The following AMOTL1 variants were observed in gnomAD, a reference collection of about 807,000 sequenced individuals.
AMOTL1 encodes angiomotin-like protein 1.
AMOTL1 carries 45 observed loss-of-function variants against 102.9 expected under a neutral mutation model. The observed-to-expected ratio is 0.44, with a 90% CI of 0.34 to 0.56. The LOEUF is 0.56. AMOTL1 is among the 20% of genes least tolerant of loss of function. The pLI is 0.01. For missense variants in AMOTL1, 1,114 were observed against 1,225.6 expected (o/e 0.91, Z 1.36); for synonymous variants, 481 against 484.7 (o/e 0.99, Z 0.10).
chr11:94,797,395 A>C lies in AMOTL1; in HGVS notation c.200-1995A>C, dbSNP rs1408808365. ...TTTATTTCATGGAGCTCATGTAGGT[A>C]TTCTTTTATTGGTTAAATATCTGAG... On this transcript the variant is annotated intron_variant, in intron 2 of 12. Coordinates refer to ENST00000433060, the MANE Select transcript of AMOTL1 (RefSeq NM_130847.3). Among the ~76,000 whole-genome samples the C allele has an allele frequency of 2.6e-5, 4 of 152,190 alleles. No individual in the cohort carries two copies. In the East Asian group the frequency reaches 7.7e-4, roughly 29 times the overall value.
intron 1 of AMOTL1, among the ~76,000 whole-genome samples, chr11:94,794,358 G>A (rs1486600026): frequency 6.6e-6 from 1 of 152,134 alleles, no homozygotes; most frequent in African/African-American, 2.4e-5. Flanking sequence ...AGTGACTGAA[G>A]GACTGAACAC....
At chr11:94,757,058 GGGATGGGGA>G (rs1950734959) in intron 3 of AMOTL1, among the ~76,000 whole-genome samples, 1 of 151,524 alleles carries the variant, frequency 6.6e-6, no homozygotes, top group African/African-American at 2.4e-5. Context: ...TTGGGGTGGG[GGGATGGGGA>G]GCTCAAATCA....
chr11:94,741,219 T>C (rs1950521359), intron 3 of AMOTL1, among the ~76,000 whole-genome samples: 1 of 151,648 alleles, frequency 6.6e-6, no homozygotes, highest in Non-Finnish European at 1.5e-5. Flanking sequence ...TGTGTGTGTG[T>C]GCGTGCGTGT....
chr11:94,866,632 C>T (rs1952889780), intron 11 of AMOTL1: 1 of 180,682 alleles, frequency 5.5e-6, no homozygotes, highest in South Asian at 1.2e-4. Flanking sequence ...GCCTGCTTTA[C>T]CCCATGGGGC....
chr11:94,772,169 G>A (rs1403444881), intron 1 of AMOTL1, among the ~76,000 whole-genome samples: 1 of 152,142 alleles, frequency 6.6e-6, no homozygotes, highest in Non-Finnish European at 1.5e-5. Context: ...CCAGGAAATT[G>A]ACATTGGTAC....
At chr11:94,720,541 A>G (rs1950159768) in intron 1 of AMOTL1, among the ~76,000 whole-genome samples, 1 of 152,134 alleles carries the variant, frequency 6.6e-6, no homozygotes, top group Non-Finnish European at 1.5e-5. Flanking sequence ...AGCTATTCCA[A>G]GCCACATACC....
chr11:94,834,591 C>CA (rs531101188), intron 6 of AMOTL1, among the ~76,000 whole-genome samples: 40 of 142,252 alleles, frequency 2.8e-4, no homozygotes, highest in African/African-American at 6.2e-4. Context: ...GACTCCGTCT[C>CA]AAAAAAAAAA....
chr11:94,771,284 A>G (rs1464807483), intron 1 of AMOTL1, among the ~76,000 whole-genome samples: 1 of 142,350 alleles, frequency 7.0e-6, no homozygotes, highest in Non-Finnish European at 1.5e-5. Context: ...GTGTGTGGCT[A>G]TCTGCATTTT....
At chr11:94,858,816 A>G (rs1952716458) in intron 8 of AMOTL1, among the ~76,000 whole-genome samples, 1 of 152,224 alleles carries the variant, frequency 6.6e-6, no homozygotes, top group Non-Finnish European at 1.5e-5. Context: ...TAAAGGAAAA[A>G]GATTCTGAAG....
chr11:94,713,177 C>CT (rs1268692238), intron 1 of AMOTL1, among the ~76,000 whole-genome samples: 1 of 151,826 alleles, frequency 6.6e-6, no homozygotes, highest in Admixed American at 6.6e-5. Context: ...ATTTGTATAA[C>CT]TTTATCTCTG....
chr11:94,834,135 A>T (rs1952126955), intron 6 of AMOTL1, among the ~76,000 whole-genome samples: 1 of 152,214 alleles, frequency 6.6e-6, no homozygotes, highest in Admixed American at 6.5e-5. Flanking sequence ...GTGTTCCATT[A>T]TCTGTATATT....
In AMOTL1 at chr11:94,875,261, A is replaced by G. The variant is rs1478738912; in HGVS notation, c.*4466A>G. On this transcript the variant is annotated 3_prime_UTR_variant, in exon 13 of 13. Coordinates refer to ENST00000433060, the MANE Select transcript of AMOTL1 (RefSeq NM_130847.3). ...TACCAGAAATTGGTCGGCTGGGGAA[A>G]TGCAAAAGTTAGCATTTCAGTAGTG... is the stretch of plus-strand genomic sequence containing the variant. The G allele has an allele frequency of 6.6e-6, 1 of 152,240 alleles. No individual in the cohort carries two copies. Among genetic ancestry groups the G allele is most frequent in the Non-Finnish European group, 1.5e-5 (1 of 68,040 alleles). 9.4% of individuals were successfully genotyped at this position (152,240 alleles called of 1,614,324 possible). A position where few individuals can be genotyped will look rare whatever the true frequency, so the allele number is the denominator to read the frequency against.
intron 3 of AMOTL1, among the ~76,000 whole-genome samples, chr11:94,755,707 G>T (rs911111944): frequency 6.6e-6 from 1 of 151,998 alleles, no homozygotes; most frequent in Non-Finnish European, 1.5e-5. Context: ...CCTAGAGGCC[G>T]CATGCAGACA....
chr11:94,746,060 A>G (rs7110172), intron 3 of AMOTL1, among the ~76,000 whole-genome samples: 21,966 of 148,308 alleles, frequency 0.15, 3,360 homozygotes, highest in African/African-American at 0.37. Context: ...CAGTCTGCAA[A>G]TGAATAACTA....
Position 94,795,056 on chromosome 11 carries a change from T to C in AMOTL1, c.95T>C (p.Leu32Pro), listed in dbSNP as rs2135560450. 2 of 1,613,860 alleles carry C rather than the reference T, an allele frequency of 1.2e-6. No homozygotes were observed. Among genetic ancestry groups the C allele is most frequent in the South Asian group, 1.1e-5 (1 of 91,062 alleles). The change falls in exon 2 of 13, where the codon CTA (leucine) becomes CCA (proline). Residue 32 changes from leucine (L) to proline (P), a missense_variant. Physicochemically the swap from Leu to Pro is moderately conservative, Grantham distance 98. Transcript: ENST00000433060. ...AGCCCCAGTAGTCCTGTCCAGGTTCTAGAAGACTCCACCTACTTTTCCCCA... is the reference window on the plus strand; with the variant it reads ...AGCCCCAGTAGTCCTGTCCAGGTTCCAGAAGACTCCACCTACTTTTCCCCA... ...CYSPSSPVQV[L>P]EDSTYFSPDF...
At chr11:94,815,122 A>G (rs1951743416) in intron 3 of AMOTL1, among the ~76,000 whole-genome samples, 2 of 152,234 alleles carry the variant, frequency 1.3e-5, no homozygotes. Context: ...CATGAAATGT[A>G]ATTAGAAATG....
intron 3 of AMOTL1, among the ~76,000 whole-genome samples, chr11:94,819,495 C>T (rs1173175347): frequency 1.3e-5 from 2 of 152,300 alleles, no homozygotes; most frequent in South Asian, 4.2e-4. Context: ...TTACCCTCCT[C>T]TCACACGTAA....
Position 94,829,975 on chromosome 11 carries a change from G to A in AMOTL1, c.1414-75G>A, listed in dbSNP as rs899730311. On this transcript the variant is annotated intron_variant, in intron 4 of 12. Coordinates refer to ENST00000433060, the MANE Select transcript of AMOTL1 (RefSeq NM_130847.3). ...AAGATACAGCCTTCACACTGGCAAT[G>A]TCTAAGAATCCATTTTACCAAGACA... 3.5e-6 allele frequency: 5 copies of A among 1,435,694 alleles called. No individual in the cohort carries two copies. In the African/African-American group the frequency reaches 4.3e-5, roughly 12 times the overall value. 88.9% of individuals were successfully genotyped at this position (1,435,694 alleles called of 1,614,324 possible). A position where few individuals can be genotyped will look rare whatever the true frequency, so the allele number is the denominator to read the frequency against.
chr11:94,719,451 T>C (rs543694156), intron 1 of AMOTL1, among the ~76,000 whole-genome samples: 1 of 152,062 alleles, frequency 6.6e-6, no homozygotes, highest in Non-Finnish European at 1.5e-5. Context: ...TCTATATACA[T>C]AGTATACAAT....
Sources: gnomAD v4.1 joint callset for allele counts (sites outside exome capture counted in the v4.1 genomes callset) on GRCh38, gnomAD v4.1.1 for gene constraint, MANE v1.5 for transcripts, NCBI Gene and HGNC (gene_info 2026-07-23, HGNC 2026-07-21) for gene names.